The following CYCS variants were observed in gnomAD, a reference collection of about 807,000 sequenced individuals.
CYCS encodes the protein cytochrome c, somatic, also known as cytochrome c.
For missense variants in CYCS, 87 were observed against 125.3 expected (o/e 0.69, Z 1.46); for synonymous variants, 41 against 43.0 (o/e 0.95, Z 0.18).
In CYCS at chr7:25,124,009, A is replaced by G. The variant is rs1783403172; in HGVS notation, c.111T>C (p.Phe37=). Residue 37 remains phenylalanine (F), a synonymous_variant, in exon 2 of 3, where the codon TTT becomes TTC. Coordinates refer to ENST00000305786, the MANE Select transcript of CYCS (RefSeq NM_018947.6). The part of the protein sequence containing the change: ...HKTGPNLHGL[F]GRKTGQAPGY... ...CAGGGGCCTGACCTGTCTTCCGCCC[A>G]AAGAGACCATGGAGATTTGGCCCAG... is the stretch of plus-strand genomic sequence containing the variant. 2 of 1,614,030 alleles carry G rather than the reference A, an allele frequency of 1.2e-6. No individual in the cohort carries two copies. The highest frequency in any genetic ancestry group is 2.7e-5 in the African/African-American group (2 of 74,920).
rs1783333017 is a variant in CYCS, at chr7:25,119,919, G to A, written c.*3782C>T. ...ACATCTATAAAGGAATTCAAGAGAA[G>A]TGCAGGAAAAGGATGACAAAAGGTA... On this transcript the variant is annotated 3_prime_UTR_variant, in exon 3 of 3. Coordinates refer to ENST00000305786, the MANE Select transcript of CYCS (RefSeq NM_018947.6). Among the ~76,000 whole-genome samples, 1 of 152,194 alleles carries A rather than the reference G, an allele frequency of 6.6e-6. No individual in the cohort carries two copies.
chr7:25,119,645 A>G lies in CYCS; in HGVS notation c.*4056T>C, dbSNP rs1783328372. 6.6e-6 allele frequency among the ~76,000 whole-genome samples: 1 copy of G among 152,092 alleles called. No individual in the cohort carries two copies. The highest frequency in any genetic ancestry group is 2.4e-5 in the African/African-American group (1 of 41,406). On this transcript the variant is annotated 3_prime_UTR_variant, in exon 3 of 3. Coordinates refer to ENST00000305786, the MANE Select transcript of CYCS (RefSeq NM_018947.6). ...GCCCAGGCTGGAGTGCAGTAGCACA[A>G]TCACAGCTACACTGCAGCCTCGAAC...
rs1783312119 is a variant in CYCS, at chr7:25,118,681, A to T, written c.*5020T>A. On this transcript the variant is annotated 3_prime_UTR_variant, in exon 3 of 3. Transcript: ENST00000305786. ...TTGGGTCCACGGGCTGTTTATTGAT[A>T]CACACTAAACACAATTTTCTCCTAA... Among the ~76,000 whole-genome samples, 1 of 152,172 alleles carries T rather than the reference A, an allele frequency of 6.6e-6. No individual in the cohort carries two copies. The highest frequency in any genetic ancestry group is 2.1e-4 in the South Asian group (1 of 4,832).
chr7:25,118,677 T>C lies in CYCS; in HGVS notation c.*5024A>G, dbSNP rs1474740530. Among the ~76,000 whole-genome samples, 1 of 152,190 alleles carries C rather than the reference T, an allele frequency of 6.6e-6. No individual in the cohort carries two copies. Among genetic ancestry groups the C allele is most frequent in the African/African-American group, 2.4e-5 (1 of 41,440 alleles). On this transcript the variant is annotated 3_prime_UTR_variant, in exon 3 of 3. Transcript: ENST00000305786. ...CAGATTGGGTCCACGGGCTGTTTAT[T>C]GATACACACTAAACACAATTTTCTC...
rs1039583395 is a variant in CYCS at position 25,123,328 on chromosome 7, T to C, written c.*373A>G. The C allele has an allele frequency of 6.8e-6, 2 of 293,922 alleles. No homozygotes were observed. The highest frequency in any genetic ancestry group is 1.3e-5 in the Non-Finnish European group (2 of 151,582). 18.2% of individuals were successfully genotyped at this position (293,922 alleles called of 1,614,324 possible). ...CTTGGTTCTAAGACAGTGAAGCAAT[T>C]TCCCCAGTATTTAAATATATTCACA... On this transcript the variant is annotated 3_prime_UTR_variant, in exon 3 of 3. Transcript: ENST00000305786.
In CYCS at chr7:25,119,884, G is replaced by A. The variant is rs1023298984; in HGVS notation, c.*3817C>T. Among the ~76,000 whole-genome samples, 1 of 152,130 alleles carries A rather than the reference G, an allele frequency of 6.6e-6. No homozygotes were observed. Among genetic ancestry groups the A allele is most frequent in the Non-Finnish European group, 1.5e-5 (1 of 68,028 alleles). On this transcript the variant is annotated 3_prime_UTR_variant, in exon 3 of 3. Coordinates refer to ENST00000305786, the MANE Select transcript of CYCS (RefSeq NM_018947.6). Reference sequence around the variant, plus strand: ...TTTACAGCAATCTTCAGTGGTTAAAGCAAAACTGTACATCTATAAAGGAAT... The same window carrying A: ...TTTACAGCAATCTTCAGTGGTTAAAACAAAACTGTACATCTATAAAGGAAT...
In CYCS at chr7:25,120,245, C is replaced by T. The variant is rs1468085612; in HGVS notation, c.*3456G>A. The stretch of plus-strand genomic sequence containing the variant: ...AGATTACAGGTGCCCACCACCACAC[C>T]TGGCTAATTTTTATGTTTTTTGTAG... On this transcript the variant is annotated 3_prime_UTR_variant, in exon 3 of 3. Transcript: ENST00000305786. 1 of 152,182 alleles carries T rather than the reference C, an allele frequency of 6.6e-6. No individual in the cohort carries two copies. The highest frequency in any genetic ancestry group is 2.4e-5 in the African/African-American group (1 of 41,424). 9.4% of individuals were successfully genotyped at this position (152,182 alleles called of 1,614,324 possible).
In CYCS at chr7:25,120,574, C is replaced by T. The variant is rs1583393157; in HGVS notation, c.*3127G>A. ...AGCCACATGTGGTTAGTGGCTACCA[C>T]ACTGGACAGCAAAAGTCTACAAAAT... On this transcript the variant is annotated 3_prime_UTR_variant, in exon 3 of 3. Transcript: ENST00000305786. 1 of 152,228 alleles carries T rather than the reference C, an allele frequency of 6.6e-6. No individual in the cohort carries two copies. The highest frequency in any genetic ancestry group is 2.1e-4 in the South Asian group (1 of 4,838). 9.4% of individuals were successfully genotyped at this position (152,228 alleles called of 1,614,324 possible).
At position 25,123,626 on chromosome 7, in the gene CYCS, T is replaced by C; in HGVS notation, c.*75A>G. The C allele has an allele frequency of 7.9e-7, 1 of 1,261,550 alleles. No individual in the cohort carries two copies. The highest frequency in any genetic ancestry group is 1.7e-5 in the Admixed American group (1 of 59,142). 78.1% of individuals were successfully genotyped at this position (1,261,550 alleles called of 1,614,324 possible). On this transcript the variant is annotated 3_prime_UTR_variant, in exon 3 of 3. Transcript: ENST00000305786. ...ATGATCTGAATTCTGGTGTATGAGA[T>C]CTATTAAAGGATGGTACACATAAAA...
chr7:25,119,720 G>A lies in CYCS; in HGVS notation c.*3981C>T, dbSNP rs1412645667. Among the ~76,000 whole-genome samples, 1 of 152,140 alleles carries A rather than the reference G, an allele frequency of 6.6e-6. No individual in the cohort carries two copies. Among genetic ancestry groups the A allele is most frequent in the African/African-American group, 2.4e-5 (1 of 41,412 alleles). ...CCTCAGAGTGGCTGGGACTACAGGTGTGCACCACGACGCCCAGTTATCTAG... is the reference window on the plus strand; with the variant it reads ...CCTCAGAGTGGCTGGGACTACAGGTATGCACCACGACGCCCAGTTATCTAG... On this transcript the variant is annotated 3_prime_UTR_variant, in exon 3 of 3. Coordinates refer to ENST00000305786, the MANE Select transcript of CYCS (RefSeq NM_018947.6).
Position 25,123,840 on chromosome 7 carries a change from C to T in CYCS, c.179G>A (p.Trp60Ter), listed in dbSNP as rs1012575961. 1 of 1,614,030 alleles carries T rather than the reference C, an allele frequency of 6.2e-7. No homozygotes were observed. The highest frequency in any genetic ancestry group is 1.3e-5 in the African/African-American group (1 of 74,930). The change falls in exon 3 of 3, where the codon TGG becomes TAG. Residue 60 changes from tryptophan to a stop codon, truncating the protein, a stop_gained. Coordinates refer to ENST00000305786, the MANE Select transcript of CYCS (RefSeq NM_018947.6). LOFTEE classifies it high-confidence loss of function. ...ATACTCCATCAGTGTATCCTCTCCCCAGATGATGCCTAAACAAGAAAGAAT... is the reference window on the plus strand; with the variant it reads ...ATACTCCATCAGTGTATCCTCTCCCTAGATGATGCCTAAACAAGAAAGAAT... ...TAANKNKGIIWGEDTLMEYLE... is the reference protein window; with the variant it reads ...TAANKNKGII
At position 25,125,208 on chromosome 7, in the gene CYCS, A is replaced by C. The variant is rs931264916; in HGVS notation, c.-17T>G. 1 of 152,778 alleles carries C rather than the reference A, an allele frequency of 6.5e-6. No homozygotes were observed. Among genetic ancestry groups the C allele is most frequent in the Non-Finnish European group, 1.5e-5 (1 of 68,218 alleles). 9.5% of individuals were successfully genotyped at this position (152,778 alleles called of 1,614,324 possible). A position where few individuals can be genotyped will look rare whatever the true frequency, so the allele number is the denominator to read the frequency against. ...CCGCGACCCGCTCTCACCTCTTTTT[A>C]GTCGCTGGCACAACGAACACTCCCG... is the stretch of plus-strand genomic sequence containing the variant. On this transcript the variant is annotated 5_prime_UTR_variant, in exon 1 of 3. Coordinates refer to ENST00000305786, the MANE Select transcript of CYCS (RefSeq NM_018947.6).
rs550436544 is a variant in CYCS at position 25,121,296 on chromosome 7, G to T, written c.*2405C>A. 1 of 152,306 alleles carries T rather than the reference G, an allele frequency of 6.6e-6. No individual in the cohort carries two copies. The highest frequency in any genetic ancestry group is 6.5e-5 in the Admixed American group (1 of 15,278). The allele number at this position is 152,306 out of a possible 1,614,324, so 9.4% of individuals were successfully genotyped here. Reference sequence around the variant, plus strand: ...GTGGTGGCTCACACCTGTAATCCTAGAACTTTGGGAGGCCAAGGTGGGTGG... The same window carrying T: ...GTGGTGGCTCACACCTGTAATCCTATAACTTTGGGAGGCCAAGGTGGGTGG... On this transcript the variant is annotated 3_prime_UTR_variant, in exon 3 of 3. Coordinates refer to ENST00000305786, the MANE Select transcript of CYCS (RefSeq NM_018947.6).
rs371993166 is a variant in CYCS at position 25,119,578 on chromosome 7, C to CTTTT, written c.*4119_*4122dup. Among the ~76,000 whole-genome samples the CTTTT allele has an allele frequency of 7.1e-6, 1 of 141,002 alleles. No homozygotes were observed. The allele number at this position is 141,002 out of a possible 152,430, so 92.5% of individuals were successfully genotyped here. A position where few individuals can be genotyped will look rare whatever the true frequency, so the allele number is the denominator to read the frequency against. On this transcript the variant is annotated 3_prime_UTR_variant, in exon 3 of 3. Transcript: ENST00000305786. ...GGCATGACCTACTGCACCCAGACCA[C>CTTTT]TTTTTTTTTTTTTAAAAGAGATGGA... is the stretch of plus-strand genomic sequence containing the variant.
Position 25,122,448 on chromosome 7 carries a change from T to C in CYCS, c.*1253A>G, listed in dbSNP as rs752150593. ...AGATTTATTTTCTCATTATTCTTTA[T>C]GACTTACCTTGTGCTCACCATCTCC... On this transcript the variant is annotated 3_prime_UTR_variant, in exon 3 of 3. Coordinates refer to ENST00000305786, the MANE Select transcript of CYCS (RefSeq NM_018947.6). 6.6e-6 allele frequency: 1 copy of C among 152,242 alleles called. No individual in the cohort carries two copies. Among genetic ancestry groups the C allele is most frequent in the East Asian group, 1.9e-4 (1 of 5,200 alleles). The allele number at this position is 152,242 out of a possible 1,614,324, so 9.4% of individuals were successfully genotyped here.
Position 25,123,807 on chromosome 7 carries a change from T to C in CYCS, c.212A>G (p.Asn71Ser), listed in dbSNP as rs748284448. ...GEDTLMEYLENPKKYIPGTKM... is the reference protein window; with the variant it reads ...GEDTLMEYLESPKKYIPGTKM... ...TGTTCCAGGGATGTACTTCTTGGGA[T>C]TCTCCAAATACTCCATCAGTGTATC... Residue 71 changes from asparagine (N) to serine (S), a missense_variant, in exon 3 of 3, where the codon AAT (asparagine) becomes AGT (serine). By Grantham distance (46) the Asn-to-Ser change is conservative. Coordinates refer to ENST00000305786, the MANE Select transcript of CYCS (RefSeq NM_018947.6). 6 of 1,613,896 alleles carry C rather than the reference T, an allele frequency of 3.7e-6. No homozygotes were observed. Among genetic ancestry groups the C allele is most frequent in the Non-Finnish European group, 4.2e-6 (5 of 1,179,996 alleles).
chr7:25,121,891 C>T lies in CYCS; in HGVS notation c.*1810G>A, dbSNP rs1192141729. Reference sequence around the variant, plus strand: ...GCAGCCAGCCGAGATCGCACCACTGCACTCCAGCCTTGGCGACACAGCGTG... The same window carrying T: ...GCAGCCAGCCGAGATCGCACCACTGTACTCCAGCCTTGGCGACACAGCGTG... On this transcript the variant is annotated 3_prime_UTR_variant, in exon 3 of 3. Transcript: ENST00000305786. The T allele has an allele frequency of 6.6e-6, 1 of 152,240 alleles. No homozygotes were observed. Among genetic ancestry groups the T allele is most frequent in the Non-Finnish European group, 1.5e-5 (1 of 68,072 alleles). The allele number at this position is 152,240 out of a possible 1,614,324, so 9.4% of individuals were successfully genotyped here. A position where few individuals can be genotyped will look rare whatever the true frequency, so the allele number is the denominator to read the frequency against.
At position 25,119,219 on chromosome 7, in the gene CYCS, A is replaced by G. The variant is rs998420800; in HGVS notation, c.*4482T>C. ...TTGGCAACATCTTATTGGTTTTCAG[A>G]ATATACTGATGACGGATTGCCAAAA... is the stretch of plus-strand genomic sequence containing the variant. On this transcript the variant is annotated 3_prime_UTR_variant, in exon 3 of 3. Transcript: ENST00000305786. 6.6e-6 allele frequency among the ~76,000 whole-genome samples: 1 copy of G among 152,226 alleles called. No homozygotes were observed. The highest frequency in any genetic ancestry group is 2.4e-5 in the African/African-American group (1 of 41,448).
intron 1 of CYCS, 94 bp from the exon 2 acceptor site, chr7:25,124,221 T>C: frequency 1.1e-6 from 1 of 921,176 alleles, no homozygotes. Context: ...TACCAATCCA[T>C]TGCTAATTTA....
Sources: gnomAD v4.1 joint callset for allele counts (sites outside exome capture counted in the v4.1 genomes callset) on GRCh38, gnomAD v4.1.1 for gene constraint, MANE v1.5 for transcripts, NCBI Gene and HGNC (gene_info 2026-07-23, HGNC 2026-07-21) for gene names.